Variants in CLDN16 observed in about 807,000 individuals in gnomAD.
CLDN16 encodes the protein claudin 16.
In CLDN16, 13 loss-of-function variants were observed where a neutral mutation model predicts 24.6. The observed-to-expected ratio is 0.53, with a 90% CI of 0.34 to 0.84. The LOEUF (loss-of-function observed/expected upper bound fraction) is 0.84. Among genes scored for constraint, CLDN16 ranks in the 40% least tolerant of loss-of-function variants. CLDN16 has a pLI of 0.01. For synonymous variants in CLDN16, 116 were observed against 106.7 expected (o/e 1.09, Z -0.54); for missense variants, 298 against 292.7 (o/e 1.02, Z -0.13).
intron 1 of CLDN16, among the ~76,000 whole-genome samples, chr3:190,363,551 T>C (rs1283872980): frequency 1.4e-4 from 3 of 21,704 alleles, no homozygotes; most frequent in East Asian, 1.7e-3. Context: ...CGTGTGTGTG[T>C]GTGTGTATAT....
intron 1 of CLDN16, among the ~76,000 whole-genome samples, chr3:190,401,417 A>G (rs984158962): frequency 2.0e-5 from 3 of 152,244 alleles, no homozygotes; most frequent in African/African-American, 7.2e-5. Context: ...TTACTAAACT[A>G]TTCCCAGATA....
the CLDN16 span, among the ~76,000 whole-genome samples, chr3:190,302,771 C>CAAAAAA: frequency 7.4e-6 from 1 of 134,696 alleles, no homozygotes; most frequent in African/African-American, 2.8e-5. Context: ...AACCCTGTCT[C>CAAAAAA]AAAAAAAAAT....
At chr3:190,365,385 T>C (rs951385762) in intron 1 of CLDN16, among the ~76,000 whole-genome samples, 1 of 151,694 alleles carries the variant, frequency 6.6e-6, no homozygotes, top group African/African-American at 2.4e-5. Flanking sequence ...GCCAGTGAAG[T>C]GTCTTTTGGA....
At chr3:190,328,237 T>C (rs190751458) in intron 1 of CLDN16, among the ~76,000 whole-genome samples, 95 of 152,208 alleles carry the variant, frequency 6.2e-4, no homozygotes, top group Non-Finnish European at 1.1e-3. Context: ...GCTGTGATCA[T>C]GACACTGCAC....
chr3:190,375,853 T>C (rs1348808977), intron 3 of CLDN16, among the ~76,000 whole-genome samples: 1 of 147,822 alleles, frequency 6.8e-6, no homozygotes, highest in African/African-American at 2.5e-5. Flanking sequence ...CACCCTTGCC[T>C]CTCAGTTAAA....
upstream of CLDN16, chr3:190,388,112 T>A (rs1237217610): frequency 1.9e-6 from 3 of 1,613,742 alleles, no homozygotes. Context: ...GGCTGGTTGC[T>A]TCGGATAATG....
intron 1 of CLDN16, among the ~76,000 whole-genome samples, chr3:190,361,135 A>G (rs1190396224): frequency 1.3e-5 from 2 of 152,032 alleles, no homozygotes; most frequent in African/African-American, 2.4e-5. Flanking sequence ...ATGTAATAAT[A>G]TGATTTCATT....
chr3:190,399,997 G>T lies in CLDN16; in HGVS notation c.115-2340G>T, dbSNP rs552640083. Among the ~76,000 whole-genome samples the T allele has an allele frequency of 1.7e-4, 26 of 152,272 alleles. No homozygotes were observed. In the South Asian group the frequency reaches 5.4e-3, roughly 32 times the overall value. ...AAGCACCTAATGCCTGATGATCTGA[G>T]CTGGAACAGTTTCATCCAAAAGCAT... On this transcript the variant is annotated intron_variant, in intron 1 of 4. Coordinates refer to ENST00000264734, the MANE Select transcript of CLDN16 (RefSeq NM_006580.4).
chr3:190,336,016 G>A (rs543891599), intron 1 of CLDN16, among the ~76,000 whole-genome samples: 1 of 152,264 alleles, frequency 6.6e-6, no homozygotes, highest in South Asian at 2.1e-4. Context: ...AGCTTTTACA[G>A]TGTCTTTGGC....
intron 1 of CLDN16, among the ~76,000 whole-genome samples, chr3:190,393,706 C>A (rs904376956): frequency 6.9e-6 from 1 of 145,304 alleles, no homozygotes; most frequent in African/African-American, 2.5e-5. Flanking sequence ...TATTGCTTCT[C>A]TTGGAGAAAT....
chr3:190,405,672 A>G (rs1385722926), intron 3 of CLDN16, among the ~76,000 whole-genome samples: 3 of 152,182 alleles, frequency 2.0e-5, no homozygotes, highest in Non-Finnish European at 4.4e-5. Context: ...AACTTGTCCC[A>G]CGTACTAACC....
At chr3:190,313,585 T>G in the CLDN16 span, among the ~76,000 whole-genome samples, 4 of 152,170 alleles carry the variant, frequency 2.6e-5, no homozygotes, top group African/African-American at 9.6e-5. Flanking sequence ...TATTTGTATC[T>G]CCAGTGATGT....
At chr3:190,361,853 C>A (rs1177237953) in intron 1 of CLDN16, among the ~76,000 whole-genome samples, 1 of 151,916 alleles carries the variant, frequency 6.6e-6, no homozygotes, top group Non-Finnish European at 1.5e-5. Context: ...ACATGTTCAA[C>A]TGGGGGCTCC....
chr3:190,377,013 G>C (rs952139946), intron 3 of CLDN16, among the ~76,000 whole-genome samples: 3 of 151,950 alleles, frequency 2.0e-5, no homozygotes, highest in Admixed American at 6.6e-5. Context: ...AGCTAGTTAA[G>C]TGCTGAAGGA....
At chr3:190,389,628 G>A (rs1202893077) in intron 1 of CLDN16, among the ~76,000 whole-genome samples, 1 of 151,258 alleles carries the variant, frequency 6.6e-6, no homozygotes, top group Non-Finnish European at 1.5e-5. Context: ...TCCAAAAATT[G>A]TGATAGAATT....
intron 1 of CLDN16, among the ~76,000 whole-genome samples, chr3:190,360,250 G>A (rs1717859777): frequency 6.6e-6 from 1 of 151,904 alleles, no homozygotes; most frequent in Non-Finnish European, 1.5e-5. Flanking sequence ...AGGAAAATAG[G>A]AACATTTTCT....
In CLDN16 at chr3:190,374,801, A is replaced by G. The variant is rs534949504; in HGVS notation, n.306+198A>G. Among the ~76,000 whole-genome samples the G allele has an allele frequency of 4.6e-5, 7 of 152,152 alleles. No homozygotes were observed. In the South Asian group the frequency reaches 1.5e-3, roughly 32 times the overall value. On this transcript the variant is annotated intron_variant and non_coding_transcript_variant, in intron 3 of 4. Transcript: ENST00000468220. ...GACCAAGGCTACTAAACCTAAAACA[A>G]TATTTCAAAAATTCTACATGTATTG...
intron 1 of CLDN16, among the ~76,000 whole-genome samples, chr3:190,393,060 A>T (rs1273067538): frequency 6.6e-6 from 1 of 152,150 alleles, no homozygotes; most frequent in Admixed American, 6.5e-5. Flanking sequence ...AAGAAATATG[A>T]AATAAGGGAG....
chr3:190,362,194 T>G (rs574337583), intron 1 of CLDN16, among the ~76,000 whole-genome samples: 6 of 152,052 alleles, frequency 3.9e-5, no homozygotes, highest in Non-Finnish European at 4.4e-5. Flanking sequence ...TTGTTCTCCA[T>G]GGCTGTGAAA....
Sources: allele counts gnomAD v4.1 joint callset (sites outside exome capture counted in the v4.1 genomes callset), GRCh38; gene constraint gnomAD v4.1.1; transcripts MANE v1.5; gene names NCBI Gene and HGNC (gene_info 2026-07-23, HGNC 2026-07-21).